Variants in SEL1L3 observed in about 807,000 individuals in gnomAD.
SEL1L3 encodes protein sel-1 homolog 3.
In SEL1L3, 76 loss-of-function variants were observed where a neutral mutation model predicts 142.8. The observed-to-expected ratio is 0.53, with a 90% CI of 0.44 to 0.64. The LOEUF is 0.64. Ranked by LOEUF, SEL1L3 falls within the 30% of genes least tolerant of loss-of-function variation. The pLI, the probability that SEL1L3 is intolerant of heterozygous loss-of-function variation, is 0.00. For missense variants in SEL1L3, 1,262 were observed against 1,381.7 expected, an observed-to-expected ratio of 0.91 and a Z score of 1.37; for synonymous variants, 504 against 519.6, an observed-to-expected ratio of 0.97 and a Z score of 0.41.
chr4:25,809,855 A>G (rs1211564403), intron 9 of SEL1L3, among the ~76,000 whole-genome samples: 3 of 152,228 alleles, frequency 2.0e-5, no homozygotes, highest in Non-Finnish European at 4.4e-5. Context: ...TTATTATGTA[A>G]CATAGTTGTA....
the SEL1L3 span, among the ~76,000 whole-genome samples, chr4:25,717,133 C>T: frequency 6.6e-6 from 1 of 151,706 alleles, no homozygotes; most frequent in African/African-American, 2.4e-5. Flanking sequence ...TCTTGAAAAA[C>T]AAACAAAAAC....
At chr4:25,781,327 C>T (rs1719986894) in intron 15 of SEL1L3, among the ~76,000 whole-genome samples, 1 of 152,050 alleles carries the variant, frequency 6.6e-6, no homozygotes, top group Admixed American at 6.6e-5. Context: ...GGGTATTCAC[C>T]ACATTTTGTT....
At chr4:25,842,374 G>T (rs567752433) in intron 2 of SEL1L3, among the ~76,000 whole-genome samples, 2 of 151,810 alleles carry the variant, frequency 1.3e-5, no homozygotes, top group Non-Finnish European at 2.9e-5. Flanking sequence ...GGGCGGTGTT[G>T]CTTCGTGGGC....
At chr4:25,837,075 C>T (rs1715877188) in intron 2 of SEL1L3, among the ~76,000 whole-genome samples, 1 of 151,786 alleles carries the variant, frequency 6.6e-6, no homozygotes, top group East Asian at 1.9e-4. Context: ...CACTTGAAAC[C>T]CTTTGTTTTT....
chr4:25,862,516 C>T (rs1717791768), intron 1 of SEL1L3, among the ~76,000 whole-genome samples, 159 bp downstream of exon 1: 2 of 152,188 alleles, frequency 1.3e-5, no homozygotes, highest in African/African-American at 2.4e-5. Context: ...CCCGGGGTAC[C>T]TATCCCAGGT....
At chr4:25,829,268 TG>T (rs1330953526) in intron 6 of SEL1L3, among the ~76,000 whole-genome samples, 1 of 152,230 alleles carries the variant, frequency 6.6e-6, no homozygotes, top group Non-Finnish European at 1.5e-5. Flanking sequence ...CCAACACCCC[TG>T]GCCTACACTT....
chr4:25,835,134 T>C, intron 3 of SEL1L3, 63 bp downstream of exon 3: 2 of 1,594,438 alleles, frequency 1.3e-6, no homozygotes, highest in Admixed American at 3.4e-5. Flanking sequence ...TCCACTAGCC[T>C]GCTCTGGTCC....
At position 25,753,999 on chromosome 4, in the gene SEL1L3, A is replaced by AAATT. The variant is rs1393924303; in HGVS notation, c.3259+3534_3259+3535insAATT. ...TCCGTCTCAACATAAATAAATAAAT[A>AAATT]AATAAATAAATAAATAAATAAGGTC... On this transcript the variant is annotated intron_variant, in intron 23 of 23. Transcript: ENST00000399878. Among the ~76,000 whole-genome samples, 205 of 148,146 alleles carry AAATT rather than the reference A, an allele frequency of 1.4e-3. 1 individual carries two copies. Among genetic ancestry groups the AAATT allele is most frequent in the African/African-American group, 4.9e-3 (195 of 39,976 alleles).
Position 25,784,274 on chromosome 4 carries a change from T to C in SEL1L3, c.2234A>G (p.Lys745Arg). 1 of 1,613,468 alleles carries C rather than the reference T, an allele frequency of 6.2e-7. No homozygotes were observed. The highest frequency in any genetic ancestry group is 8.5e-7 in the Non-Finnish European group (1 of 1,179,454). ...IVLFKGQGVK[K>R]NRRLALELMK... The stretch of plus-strand genomic sequence containing the variant: ...CAGCTCTAAGGCAAGCCGTCTGTTC[T>C]TTTTTACTCCTTGACCCTAAACATT... The change falls in exon 14 of 24, where the codon AAG becomes AGG. Residue 745 changes from lysine (K) to arginine (R), a missense_variant. By Grantham distance (26) the Lys-to-Arg change is conservative (BLOSUM62 2). Around this residue, in one of 3 missense-constraint regions of SEL1L3, gnomAD observed 435 missense variants for 559.2 expected, o/e 0.78. Coordinates refer to ENST00000399878, the MANE Select transcript of SEL1L3 (RefSeq NM_015187.5).
At chr4:25,842,578 T>C (rs1489313519) in intron 2 of SEL1L3, among the ~76,000 whole-genome samples, 3 of 152,212 alleles carry the variant, frequency 2.0e-5, no homozygotes, top group African/African-American at 7.2e-5. Context: ...TCTGGGAAGC[T>C]GTGGAGTGTG....
rs139823628 is a variant in SEL1L3 at position 25,837,029 on chromosome 4, A to C, written c.734-1706T>G. 2.5e-3 allele frequency among the ~76,000 whole-genome samples: 384 copies of C among 152,208 alleles called. 2 individuals carry two copies. Among genetic ancestry groups the C allele is most frequent in the African/African-American group, 8.7e-3 (359 of 41,496 alleles). On this transcript the variant is annotated intron_variant, in intron 2 of 23. Transcript: ENST00000399878. ...TGTTACAAGTAGAGATGCATTTGGA[A>C]ATCCAAAAGAGTGGAGTTATCAATT... is the stretch of plus-strand genomic sequence containing the variant.
intron 2 of SEL1L3, among the ~76,000 whole-genome samples, chr4:25,835,874 G>A (rs185399992): frequency 6.6e-6 from 1 of 152,326 alleles, no homozygotes; most frequent in East Asian, 1.9e-4. Flanking sequence ...CCGGCAATAT[G>A]CTAAGCCCAA....
the SEL1L3 span, among the ~76,000 whole-genome samples, chr4:25,715,315 G>C: frequency 6.6e-6 from 1 of 152,008 alleles, no homozygotes; most frequent in South Asian, 2.1e-4. Context: ...AACAGAGCAA[G>C]ACACGCTCTC....
chr4:25,775,997 C>A (rs913248993), intron 17 of SEL1L3, among the ~76,000 whole-genome samples: 2 of 152,132 alleles, frequency 1.3e-5, no homozygotes, highest in African/African-American at 4.8e-5. Flanking sequence ...CCAAGAGGGG[C>A]AAGCTTAAAG....
chr4:25,756,158 A>AATGCC, intron 23 of SEL1L3: 5 of 985,410 alleles, frequency 5.1e-6, no homozygotes, highest in Non-Finnish European at 6.0e-6. Context: ...CAAATGCTCC[A>AATGCC]ATGCCATGTC....
chr4:25,800,276 T>A (rs1252221160), intron 11 of SEL1L3, among the ~76,000 whole-genome samples: 2 of 152,224 alleles, frequency 1.3e-5, no homozygotes, highest in Non-Finnish European at 2.9e-5. Flanking sequence ...TAAATCAACA[T>A]ATGACACCTG....
chr4:25,833,331 G>T, intron 4 of SEL1L3, 117 bp downstream of exon 4: 2 of 983,508 alleles, frequency 2.0e-6, no homozygotes, highest in Non-Finnish European at 3.0e-6. Context: ...GGAAGTCATT[G>T]CTCTTGCTGG....
At chr4:25,821,294 C>T (rs1180343141) in intron 7 of SEL1L3, among the ~76,000 whole-genome samples, 1 of 152,180 alleles carries the variant, frequency 6.6e-6, no homozygotes, top group African/African-American at 2.4e-5. Flanking sequence ...ATAAACCCCA[C>T]AGGGTGAAGG....
At chr4:25,782,466 A>T in intron 14 of SEL1L3, 48 bp from the exon 15 acceptor site, 1 of 1,535,672 alleles carries the variant, frequency 6.5e-7, no homozygotes, top group Non-Finnish European at 8.9e-7. Flanking sequence ...AATGAAATCT[A>T]GAGAGCTCTG....
Sources: allele counts gnomAD v4.1 joint callset (sites outside exome capture counted in the v4.1 genomes callset), GRCh38; gene constraint gnomAD v4.1.1; regional missense constraint gnomAD v4.1.1; transcripts MANE v1.5; gene names NCBI Gene and HGNC (gene_info 2026-07-23, HGNC 2026-07-21).